Variants in BRINP3 observed in about 807,000 individuals in gnomAD.
BRINP3 encodes the protein BMP/retinoic acid inducible neural specific 3, also known as BMP/retinoic acid-inducible neural-specific protein 3.
BRINP3 carries 19 observed loss-of-function variants against 71.0 expected under a neutral mutation model. That is an observed-to-expected ratio of 0.27 (90% CI 0.19 to 0.39). The LOEUF is 0.39. Ranked by LOEUF, BRINP3 falls within the 10% of genes least tolerant of loss-of-function variation. BRINP3 has a pLI of 1.00. For missense variants in BRINP3, 959 were observed against 940.8 expected, an observed-to-expected ratio of 1.02 and a Z score of -0.25; for synonymous variants, 380 against 337.7, an observed-to-expected ratio of 1.13 and a Z score of -1.37.
intron 2 of BRINP3, among the ~76,000 whole-genome samples, chr1:190,442,858 A>G (rs1177218148): frequency 6.7e-6 from 1 of 149,428 alleles, no homozygotes; most frequent in African/African-American, 2.5e-5. Context: ...TAGGTGCCTT[A>G]ACAATAAAAT....
intron 2 of BRINP3, among the ~76,000 whole-genome samples, chr1:190,401,072 T>G (rs1344190556): frequency 6.6e-6 from 1 of 152,066 alleles, no homozygotes; most frequent in African/African-American, 2.4e-5. Context: ...ATATGCCTGG[T>G]GTAGCACAGA....
At chr1:190,392,041 C>T (rs945474519) in intron 2 of BRINP3, among the ~76,000 whole-genome samples, 15 of 115,874 alleles carry the variant, frequency 1.3e-4, no homozygotes, top group Admixed American at 3.1e-4. Flanking sequence ...AAAAACGGAA[C>T]AAGGGTTTAG....
rs190753126 is a variant in BRINP3 at position 190,209,110 on chromosome 1, C to T, written c.961+16972G>A. Among the ~76,000 whole-genome samples the T allele has an allele frequency of 2.9e-3, 436 of 152,068 alleles. 3 individuals carry two copies. Among genetic ancestry groups the T allele is most frequent in the African/African-American group, 9.9e-3 (411 of 41,504 alleles). On this transcript the variant is annotated intron_variant, in intron 6 of 7. Coordinates refer to ENST00000367462, the MANE Select transcript of BRINP3 (RefSeq NM_199051.3). Reference sequence around the variant, plus strand: ...TCAAACTTAAATTTTCATAATGTTACTGTTTTACTGAATAAATAAATTATA... The same window carrying T: ...TCAAACTTAAATTTTCATAATGTTATTGTTTTACTGAATAAATAAATTATA...
intron 2 of BRINP3, among the ~76,000 whole-genome samples, chr1:190,287,400 A>G (rs924472760): frequency 6.6e-6 from 1 of 151,820 alleles, no homozygotes; most frequent in African/African-American, 2.4e-5. Context: ...AAAAAAGTCC[A>G]CTCTCCCTTT....
At chr1:190,459,661 C>A (rs747515459) in intron 1 of BRINP3, among the ~76,000 whole-genome samples, 2 of 151,978 alleles carry the variant, frequency 1.3e-5, no homozygotes, top group Non-Finnish European at 2.9e-5. Flanking sequence ...ATTAACATTG[C>A]AAACTGTATC....
In BRINP3 at chr1:190,098,690, C is replaced by A; in HGVS notation, c.1629G>T (p.Lys543Asn). Residue 543 changes from lysine to asparagine, a missense_variant, in exon 8 of 8, where the codon AAG becomes AAT. Coordinates refer to ENST00000367462, the MANE Select transcript of BRINP3 (RefSeq NM_199051.3). Reference protein sequence around the residue: ...MLLTLKSNKYKSSLVHMILGL... With the variant: ...MLLTLKSNKYNSSLVHMILGL... ...CCAAAATCATATGGACCAGACTTGA[C>A]TTGTACTTATTGCTCTTCAAGGTGA... 4.3e-6 allele frequency: 7 copies of A among 1,614,182 alleles called. No individual in the cohort carries two copies. The highest frequency in any genetic ancestry group is 5.9e-6 in the Non-Finnish European group (7 of 1,180,036).
intron 4 of BRINP3, among the ~76,000 whole-genome samples, chr1:190,238,468 T>C (rs1658736652): frequency 6.6e-6 from 1 of 152,030 alleles, no homozygotes; most frequent in South Asian, 2.1e-4. Context: ...AACAATAATA[T>C]GGCAAGAGCA....
intron 6 of BRINP3, among the ~76,000 whole-genome samples, chr1:190,221,988 G>GT (rs1252005643): frequency 6.6e-6 from 1 of 151,762 alleles, no homozygotes; most frequent in Non-Finnish European, 1.5e-5. Flanking sequence ...TAACACCCTC[G>GT]TATCAGTAAT....
chr1:190,210,712 C>T (rs139656833), intron 6 of BRINP3, among the ~76,000 whole-genome samples: 1 of 151,980 alleles, frequency 6.6e-6, no homozygotes, highest in Non-Finnish European at 1.5e-5. Context: ...ATGGTTAATA[C>T]TGATTGTCAA....
At chr1:190,149,625 TTGTG>T (rs71669261) in intron 7 of BRINP3, among the ~76,000 whole-genome samples, 6,082 of 146,530 alleles carry the variant, frequency 0.042, 393 homozygotes, top group African/African-American at 0.14. Context: ...TGTTGAGTAG[TTGTG>T]TGTGTGTGTG....
chr1:190,177,732 C>T (rs1281549386), intron 6 of BRINP3, among the ~76,000 whole-genome samples: 2 of 152,102 alleles, frequency 1.3e-5, no homozygotes, highest in Non-Finnish European at 2.9e-5. Flanking sequence ...CCTAAGTTCT[C>T]TTGGGAATAA....
intron 6 of BRINP3, among the ~76,000 whole-genome samples, chr1:190,201,734 C>T (rs1655023838): frequency 1.3e-5 from 2 of 151,528 alleles, no homozygotes; most frequent in Non-Finnish European, 3.0e-5. Flanking sequence ...CGGAACGTGG[C>T]TTCAAAAGGT....
chr1:190,194,728 T>C (rs1204306294), intron 6 of BRINP3, among the ~76,000 whole-genome samples: 1 of 152,090 alleles, frequency 6.6e-6, no homozygotes, highest in African/African-American at 2.4e-5. Flanking sequence ...GTAGATTAAT[T>C]CAACTGAAGC....
intron 3 of BRINP3, 134 bp downstream of exon 3, chr1:190,281,426 G>A (rs1663028672): frequency 3.6e-6 from 3 of 822,258 alleles, no homozygotes; most frequent in Non-Finnish European, 5.7e-6. Context: ...CACTCAAAAT[G>A]TGTTGGGTAA....
chr1:190,316,248 C>T (rs1665873298), intron 2 of BRINP3, among the ~76,000 whole-genome samples: 1 of 152,120 alleles, frequency 6.6e-6, no homozygotes, highest in Admixed American at 6.6e-5. Context: ...GTAACCCTAA[C>T]TCAGACATTC....
At chr1:190,310,103 GTT>G (rs5779519) in intron 2 of BRINP3, among the ~76,000 whole-genome samples, 1,523 of 138,628 alleles carry the variant, frequency 0.011, 20 homozygotes, top group African/African-American at 0.036. Flanking sequence ...TGTGGTTGTT[GTT>G]TTTTTTTTTT....
rs558380923 is a variant in BRINP3 at position 190,102,698 on chromosome 1, C to G, written c.1185-3564G>C. 8.0e-4 allele frequency among the ~76,000 whole-genome samples: 121 copies of G among 152,020 alleles called. 1 individual carries two copies. Among genetic ancestry groups the G allele is most frequent in the African/African-American group, 2.7e-3 (111 of 41,508 alleles). On this transcript the variant is annotated intron_variant, in intron 7 of 7. Transcript: ENST00000367462. Reference sequence around the variant, plus strand: ...GAAGGAACTACAGATTATGGAGGAACAGAAGAAGGAAACTAGAATGCAAAC... The same window carrying G: ...GAAGGAACTACAGATTATGGAGGAAGAGAAGAAGGAAACTAGAATGCAAAC...
chr1:190,189,285 G>A (rs1379766866), intron 6 of BRINP3, among the ~76,000 whole-genome samples: 1 of 151,940 alleles, frequency 6.6e-6, no homozygotes, highest in African/African-American at 2.4e-5. Flanking sequence ...GGCTTTTCTT[G>A]GACAGGAGAC....
At chr1:190,461,700 C>G (rs1166186890) in intron 1 of BRINP3, among the ~76,000 whole-genome samples, 1 of 151,956 alleles carries the variant, frequency 6.6e-6, no homozygotes, top group Non-Finnish European at 1.5e-5. Flanking sequence ...ATATGGCTGG[C>G]AAGACCATAT....
Sources: allele counts gnomAD v4.1 joint callset (sites outside exome capture counted in the v4.1 genomes callset), GRCh38; gene constraint gnomAD v4.1.1; transcripts MANE v1.5; gene names NCBI Gene and HGNC (gene_info 2026-07-23, HGNC 2026-07-21).